P4HA1: variants seen among roughly 807,000 people sequenced by gnomAD.
P4HA1 encodes the protein prolyl 4-hydroxylase subunit alpha-1.
A neutral mutation model predicts 72.8 loss-of-function variants in P4HA1; 24 were observed. The ratio of observed to expected loss-of-function variants is 0.33; its 90% CI spans 0.24 to 0.46. The LOEUF (loss-of-function observed/expected upper bound fraction) is 0.46. P4HA1 is among the 20% of genes least tolerant of loss of function. P4HA1 has a pLI of 1.00. For missense variants in P4HA1, 446 were observed against 640.6 expected (o/e 0.70, Z 3.28); for synonymous variants, 201 against 218.8 (o/e 0.92, Z 0.72).
chr10:73,045,946 T>C (rs190901537), intron 8 of P4HA1, among the ~76,000 whole-genome samples: 2 of 151,416 alleles, frequency 1.3e-5, no homozygotes, highest in East Asian at 1.9e-4. Flanking sequence ...TTTTGTAGTA[T>C]AGATATCCAG....
chr10:73,054,283 C>T (rs763255468), intron 5 of P4HA1, among the ~76,000 whole-genome samples: 21 of 152,192 alleles, frequency 1.4e-4, no homozygotes, highest in African/African-American at 4.8e-5. Context: ...GAGGTAAATA[C>T]GTCAACTGGA....
chr10:73,029,925 G>GAA (rs1334971231), intron 10 of P4HA1, among the ~76,000 whole-genome samples: 1 of 151,818 alleles, frequency 6.6e-6, no homozygotes, highest in African/African-American at 2.4e-5. Flanking sequence ...AAATAAAAAG[G>GAA]AAAAAAACCC....
At chr10:73,041,263 T>C (rs1164360293) in intron 9 of P4HA1, among the ~76,000 whole-genome samples, 1 of 151,962 alleles carries the variant, frequency 6.6e-6, no homozygotes, top group Admixed American at 6.6e-5. Context: ...AAGAATTGTC[T>C]AGGCCAGGCA....
chr10:73,077,960 G>A (rs755169276), intron 1 of P4HA1, among the ~76,000 whole-genome samples: 2 of 146,914 alleles, frequency 1.4e-5, no homozygotes, highest in Non-Finnish European at 3.0e-5. Context: ...CTGCTCTCCA[G>A]TCTGGGCAAT....
At chr10:73,037,376 C>G (rs1196456732) in intron 9 of P4HA1, among the ~76,000 whole-genome samples, 1 of 146,976 alleles carries the variant, frequency 6.8e-6, no homozygotes, top group African/African-American at 2.5e-5. Context: ...AAGGGAGCAA[C>G]ATTCTCACAC....
chr10:73,063,504 T>C (rs1231245232), intron 5 of P4HA1, among the ~76,000 whole-genome samples: 1 of 152,246 alleles, frequency 6.6e-6, no homozygotes, highest in African/African-American at 2.4e-5. Flanking sequence ...AACTTCTTAA[T>C]AGTTTAACAT....
At chr10:73,030,849 C>T (rs148307934) in intron 9 of P4HA1, among the ~76,000 whole-genome samples, 24 of 152,236 alleles carry the variant, frequency 1.6e-4, no homozygotes, top group African/African-American at 5.8e-4. Context: ...AACACACCTA[C>T]TGAAGGATGG....
chr10:73,024,546 C>T (rs911291200), intron 10 of P4HA1, among the ~76,000 whole-genome samples: 5 of 152,088 alleles, frequency 3.3e-5, no homozygotes, highest in African/African-American at 1.2e-4. Flanking sequence ...CAAGAAAGAC[C>T]TAAAATCGAC....
Position 73,011,161 on chromosome 10 carries a change from G to A in P4HA1, c.1369-124C>T, listed in dbSNP as rs531069178. On this transcript the variant is annotated intron_variant, in intron 12 of 14. Coordinates refer to ENST00000394890, the MANE Select transcript of P4HA1 (RefSeq NM_001017962.3). ...TATGGACTTGTTCTTATATAGCATG[G>A]TTGGTACATGCTACTCAGTTTTTCA... 385 of 679,068 alleles carry A rather than the reference G, an allele frequency of 5.7e-4. 2 individuals are homozygous for A. The African/African-American group carries it at 6.7e-3, about 12-fold the overall frequency. The allele number at this position is 679,068 out of a possible 1,614,324, so 42.1% of individuals were successfully genotyped here.
At chr10:73,024,806 GA>G (rs1840226700) in intron 10 of P4HA1, among the ~76,000 whole-genome samples, 1 of 152,096 alleles carries the variant, frequency 6.6e-6, no homozygotes, top group African/African-American at 2.4e-5. Flanking sequence ...TGATAAAGGG[GA>G]TATCACCACA....
At chr10:73,078,125 T>C (rs950754702) in intron 1 of P4HA1, among the ~76,000 whole-genome samples, 2 of 82,026 alleles carry the variant, frequency 2.4e-5, no homozygotes, top group Admixed American at 1.2e-4. Flanking sequence ...TTAAAGAAAA[T>C]AGAGCACTTT....
intron 5 of P4HA1, among the ~76,000 whole-genome samples, chr10:73,063,272 T>C (rs543733119): frequency 6.6e-6 from 1 of 152,352 alleles, no homozygotes; most frequent in Non-Finnish European, 1.5e-5. Context: ...ACTTCCAAGA[T>C]GGCACCTTGT....
chr10:73,019,591 A>G (rs1046179032), intron 10 of P4HA1, among the ~76,000 whole-genome samples: 1 of 151,934 alleles, frequency 6.6e-6, no homozygotes, highest in African/African-American at 2.4e-5. Context: ...GAACCAAACA[A>G]AACACTTGCA....
At chr10:73,043,556 C>T (rs144046556) in intron 9 of P4HA1, among the ~76,000 whole-genome samples, 1 of 152,250 alleles carries the variant, frequency 6.6e-6, no homozygotes, top group African/African-American at 2.4e-5. Flanking sequence ...ATTTTTAAAC[C>T]CCTGCTTTAC....
chr10:73,044,053 G>T, intron 9 of P4HA1: 1 of 840,676 alleles, frequency 1.2e-6, no homozygotes, highest in Non-Finnish European at 2.0e-6. Flanking sequence ...GTGATTGGAA[G>T]GGTTCAGATT....
intron 12 of P4HA1, 132 bp from the exon 13 acceptor site, chr10:73,011,169 A>C (rs549510707): frequency 3.5e-6 from 2 of 577,758 alleles, no homozygotes; most frequent in Admixed American, 6.8e-5. Flanking sequence ...TGGTTGGTAC[A>C]TGCTACTCAG....
intron 9 of P4HA1, among the ~76,000 whole-genome samples, chr10:73,042,036 T>C (rs7903684): frequency 6.6e-6 from 1 of 151,628 alleles, no homozygotes; most frequent in Non-Finnish European, 1.5e-5. Context: ...TTTTGTAGAG[T>C]TGGGGTTTTA....
intron 5 of P4HA1, among the ~76,000 whole-genome samples, chr10:73,062,968 T>G (rs1370947588): frequency 6.8e-6 from 1 of 146,632 alleles, no homozygotes; most frequent in African/African-American, 2.7e-5. Flanking sequence ...ATCATCTCCA[T>G]TCACTTTTTT....
chr10:73,070,443 T>C (rs773326065), intron 4 of P4HA1, among the ~76,000 whole-genome samples: 1 of 151,916 alleles, frequency 6.6e-6, no homozygotes, highest in Non-Finnish European at 1.5e-5. Context: ...AGGCGTGAAA[T>C]GAAAATGTAC....
Sources: gnomAD v4.1 joint callset for allele counts (sites outside exome capture counted in the v4.1 genomes callset) on GRCh38, gnomAD v4.1.1 for gene constraint, MANE v1.5 for transcripts, NCBI Gene and HGNC (gene_info 2026-07-23, HGNC 2026-07-21) for gene names.